DCLK1: variants seen among roughly 807,000 people sequenced by gnomAD.
The protein encoded by DCLK1 is doublecortin like kinase 1.
In DCLK1, 16 loss-of-function variants were observed where a neutral mutation model predicts 86.2. That is an observed-to-expected ratio of 0.19 (90% CI 0.13 to 0.28). DCLK1 has a LOEUF of 0.28. Ranked by LOEUF, DCLK1 falls within the 10% of genes least tolerant of loss-of-function variation. The probability of loss-of-function intolerance (pLI) is 1.00; values close to 1 mark genes in which losing one functional copy is unlikely to be tolerated. For missense variants in DCLK1, 590 were observed against 940.2 expected, an observed-to-expected ratio of 0.63 and a Z score of 4.87; for synonymous variants, 369 against 370.5, an observed-to-expected ratio of 1.00 and a Z score of 0.05.
intron 4 of DCLK1, among the ~76,000 whole-genome samples, chr13:35,888,755 T>C (rs1873453495): frequency 6.6e-6 from 1 of 152,232 alleles, no homozygotes; most frequent in East Asian, 1.9e-4. Flanking sequence ...CAGTCATTAC[T>C]GCAATCCACA....
At chr13:36,033,769 T>C (rs1211863050) in intron 3 of DCLK1, among the ~76,000 whole-genome samples, 2 of 151,984 alleles carry the variant, frequency 1.3e-5, no homozygotes, top group East Asian at 3.9e-4. Context: ...CTACTAAAAA[T>C]ACAAAATTAG....
chr13:35,852,024 TG>T (rs944962532), intron 6 of DCLK1, among the ~76,000 whole-genome samples: 2 of 151,720 alleles, frequency 1.3e-5, no homozygotes, highest in Non-Finnish European at 2.9e-5. Context: ...TGTGTGTGTG[TG>T]TTGGGGTGGG....
chr13:35,882,204 T>C (rs574209510), intron 4 of DCLK1, among the ~76,000 whole-genome samples: 1 of 152,260 alleles, frequency 6.6e-6, no homozygotes, highest in South Asian at 2.1e-4. Context: ...TGTGGCCACA[T>C]TACTCAAATC....
Sources: allele counts gnomAD v4.1 joint callset (sites outside exome capture counted in the v4.1 genomes callset), GRCh38; gene constraint gnomAD v4.1.1; transcripts MANE v1.5; gene names NCBI Gene and HGNC (gene_info 2026-07-23, HGNC 2026-07-21).